Variants in ADGRV1 observed in about 807,000 individuals in gnomAD.
ADGRV1 encodes adhesion G protein-coupled receptor V1, also known as G-protein coupled receptor 98.
Under a neutral mutation model 596.2 loss-of-function variants are expected in ADGRV1, and 359 were observed. The ratio of observed to expected loss-of-function variants is 0.60; its 90% CI spans 0.55 to 0.66. The LOEUF is 0.66. ADGRV1 is among the 30% of genes least tolerant of loss of function. The pLI is 0.00. For missense variants in ADGRV1, 7,274 were observed against 7,575.6 expected (o/e 0.96, Z 1.48); for synonymous variants, 2,681 against 2,679.2 (o/e 1.00, Z -0.02).
chr5:90,614,577 A>G (rs1346811932), intron 1 of ADGRV1: 1 of 395,750 alleles, frequency 2.5e-6, no homozygotes, highest in Admixed American at 4.1e-5. Context: ...AGTTTAACTT[A>G]CAGCTATTAT....
intron 87 of ADGRV1, among the ~76,000 whole-genome samples, chr5:91,147,016 A>C (rs552180183): frequency 2.4e-4 from 36 of 152,044 alleles, no homozygotes; most frequent in African/African-American, 8.2e-4. Context: ...AAAAATAAAA[A>C]ACTAGCCAAA....
intron 85 of ADGRV1, among the ~76,000 whole-genome samples, chr5:90,994,047 G>T (rs1366172637): frequency 6.9e-6 from 1 of 145,472 alleles, no homozygotes; most frequent in Admixed American, 6.9e-5. Context: ...TTTGGGTATT[G>T]TACTTTTCTT....
intron 1 of ADGRV1, among the ~76,000 whole-genome samples, chr5:90,562,215 A>G (rs1329424133): frequency 3.3e-5 from 5 of 152,222 alleles, no homozygotes; most frequent in Non-Finnish European, 7.3e-5. Flanking sequence ...TTGTTGAGCA[A>G]TGAAGATAAA....
chr5:90,783,547 T>C (rs1168976476), intron 66 of ADGRV1, among the ~76,000 whole-genome samples: 1 of 152,180 alleles, frequency 6.6e-6, no homozygotes, highest in Non-Finnish European at 1.5e-5. Flanking sequence ...ATATTTTCTG[T>C]TTCTCTAGAC....
intron 60 of ADGRV1, 61 bp downstream of exon 60, chr5:90,774,364 A>G: frequency 2.1e-6 from 2 of 942,888 alleles, no homozygotes; most frequent in Non-Finnish European, 3.4e-6. Context: ...ATGTAATAAA[A>G]ATAACCCGTA....
chr5:90,685,239 G>A (rs1311795631), intron 28 of ADGRV1, among the ~76,000 whole-genome samples: 5 of 152,068 alleles, frequency 3.3e-5, no homozygotes, highest in African/African-American at 1.2e-4. Flanking sequence ...CGAATGTCTA[G>A]ATTAATGCTG....
At chr5:90,839,527 C>A (rs569475267) in intron 77 of ADGRV1, among the ~76,000 whole-genome samples, 1 of 152,084 alleles carries the variant, frequency 6.6e-6, no homozygotes, top group Admixed American at 6.5e-5. Flanking sequence ...ACCTCTCTTA[C>A]AGCAGCATCC....
At chr5:90,967,640 T>C (rs897566205) in intron 84 of ADGRV1, among the ~76,000 whole-genome samples, 2 of 152,126 alleles carry the variant, frequency 1.3e-5, no homozygotes, top group South Asian at 4.1e-4. Flanking sequence ...ACACAGGAAA[T>C]TGCTTATCAG....
In ADGRV1 at chr5:90,781,507, G is replaced by T. The variant is rs776130832; in HGVS notation, c.13160G>T (p.Arg4387Leu). The T allele has an allele frequency of 3.1e-6, 5 of 1,610,576 alleles. No individual in the cohort carries two copies. The highest frequency in any genetic ancestry group is 4.5e-5 in the East Asian group (2 of 44,756). The part of the protein sequence containing the change: ...PPEIGNISIV[R>L]IIIMKNDNAE... ...GAAATAGGAAACATCTCCATTGTTC[G>T]CATCATAATAATGAAAAATGATAAC... Residue 4387 changes from arginine to leucine, a missense_variant, in exon 65 of 90, where the codon CGC (arginine) becomes CTC (leucine). Physicochemically the swap from Arg to Leu is moderately radical, Grantham distance 102 (BLOSUM62 -2). Around this residue, in one of 5 missense-constraint regions of ADGRV1, gnomAD observed 3,643 missense variants for 3,809.2 expected, o/e 0.96. Coordinates refer to ENST00000405460, the MANE Select transcript of ADGRV1 (RefSeq NM_032119.4).
At chr5:91,015,440 A>G (rs1172865703) in intron 85 of ADGRV1, among the ~76,000 whole-genome samples, 1 of 151,930 alleles carries the variant, frequency 6.6e-6, no homozygotes. Context: ...ATCTTTGTTA[A>G]TTTTCTGCCT....
chr5:90,985,590 G>T (rs1022433814), intron 85 of ADGRV1, 68 bp downstream of exon 85: 2 of 1,189,986 alleles, frequency 1.7e-6, no homozygotes, highest in Non-Finnish European at 2.5e-6. Context: ...TGCCATAAGA[G>T]CTGTGATTGA....
At chr5:90,795,967 C>T (rs1377077325) in intron 70 of ADGRV1, among the ~76,000 whole-genome samples, 1 of 152,118 alleles carries the variant, frequency 6.6e-6, no homozygotes, top group African/African-American at 2.4e-5. Context: ...AGACCTCATC[C>T]AAAGGTCACC....
In ADGRV1 at chr5:90,617,757, C is replaced by T. The variant is rs747608397; in HGVS notation, c.208-47C>T. On this transcript the variant is annotated intron_variant, in intron 2 of 89. Transcript: ENST00000405460. ...TGTAATTAACATCAGTTTTACTTGT[C>T]CTAATACTGTGTTAAATAAGAATGA... is the stretch of plus-strand genomic sequence containing the variant. 5.4e-5 allele frequency: 81 copies of T among 1,490,388 alleles called. 1 individual carries two copies. The highest frequency in any genetic ancestry group is 2.8e-4 in the South Asian group (23 of 82,020). The allele number at this position is 1,490,388 out of a possible 1,614,324, so 92.3% of individuals were successfully genotyped here.
chr5:90,678,930 C>A (rs1744590078), intron 25 of ADGRV1, among the ~76,000 whole-genome samples: 1 of 152,080 alleles, frequency 6.6e-6, no homozygotes, highest in Non-Finnish European at 1.5e-5. Flanking sequence ...GGTGAGGAAA[C>A]TGAGATACCA....
intron 83 of ADGRV1, among the ~76,000 whole-genome samples, chr5:90,879,866 G>T (rs944004185): frequency 6.6e-6 from 1 of 151,988 alleles, no homozygotes; most frequent in Non-Finnish European, 1.5e-5. Flanking sequence ...AGAATCAATC[G>T]CTTGAACCTA....
At position 90,629,394 on chromosome 5, in the gene ADGRV1, T is replaced by A. The variant is rs774038257; in HGVS notation, c.1694T>A (p.Val565Glu). 8 of 1,613,688 alleles carry A rather than the reference T, an allele frequency of 5.0e-6. No homozygotes were observed. Among genetic ancestry groups the A allele is most frequent in the Non-Finnish European group, 6.8e-6 (8 of 1,179,834 alleles). Reference sequence around the variant, plus strand: ...GTACTTTACATTCCTGCTGGAGCTGTGGACCCCTTGCAAGCAAAAGAAGGC... The same window carrying A: ...GTACTTTACATTCCTGCTGGAGCTGAGGACCCCTTGCAAGCAAAAGAAGGC... ...YSVLYIPAGAVDPLQAKEGIL... is the reference protein window; with the variant it reads ...YSVLYIPAGAEDPLQAKEGIL... Residue 565 changes from valine to glutamate, a missense_variant, in exon 9 of 90, where the codon GTG becomes GAG. Transcript: ENST00000405460.
At chr5:91,159,638 G>C (rs541011897) in intron 89 of ADGRV1, among the ~76,000 whole-genome samples, 1 of 151,892 alleles carries the variant, frequency 6.6e-6, no homozygotes, top group African/African-American at 2.4e-5. Context: ...GAAGTACATC[G>C]GCACTTCCAC....
At chr5:91,122,117 C>T (rs1017702029) in intron 87 of ADGRV1, among the ~76,000 whole-genome samples, 1 of 152,080 alleles carries the variant, frequency 6.6e-6, no homozygotes, top group African/African-American at 2.4e-5. Flanking sequence ...TGGTACTTTC[C>T]TCTTCTTTCT....
intron 1 of ADGRV1, among the ~76,000 whole-genome samples, chr5:90,575,340 G>T (rs2151963439): frequency 6.6e-6 from 1 of 152,042 alleles, no homozygotes; most frequent in East Asian, 1.9e-4. Flanking sequence ...TGCAACCTTT[G>T]CCTCCCGGAT....
Sources: allele counts gnomAD v4.1 joint callset (sites outside exome capture counted in the v4.1 genomes callset), GRCh38; gene constraint gnomAD v4.1.1; regional missense constraint gnomAD v4.1.1; transcripts MANE v1.5; gene names NCBI Gene and HGNC (gene_info 2026-07-23, HGNC 2026-07-21).